GRAP2: variants seen among roughly 807,000 people sequenced by gnomAD.
GRAP2 encodes the protein GRB2 related adaptor protein 2, also known as GRB2-related adapter protein 2.
GRAP2 carries 31 observed loss-of-function variants against 43.5 expected under a neutral mutation model. The ratio of observed to expected loss-of-function variants is 0.71; its 90% CI spans 0.54 to 0.96. The LOEUF (loss-of-function observed/expected upper bound fraction) is 0.96, where lower values mean the gene tolerates loss of function less well. GRAP2 is among the 40% of genes least tolerant of loss of function. The pLI is 0.00. For synonymous variants in GRAP2, 156 were observed against 164.8 expected (o/e 0.95, Z 0.41); for missense variants, 371 against 424.4 (o/e 0.87, Z 1.11).
chr22:39,950,716 C>T (rs547473499), intron 2 of GRAP2, among the ~76,000 whole-genome samples: 1 of 152,350 alleles, frequency 6.6e-6, no homozygotes, highest in African/African-American at 2.4e-5. Context: ...CCAACCCCCT[C>T]CCTCTTTTCA....
At chr22:39,956,680 G>A (rs147307923) in intron 3 of GRAP2, among the ~76,000 whole-genome samples, 4,788 of 151,684 alleles carry the variant, frequency 0.032, 249 homozygotes, top group African/African-American at 0.11. Context: ...TGATGGACAG[G>A]CTGGTCTCAA....
intron 2 of GRAP2, among the ~76,000 whole-genome samples, chr22:39,951,564 A>G (rs1169356775): frequency 2.0e-5 from 3 of 152,224 alleles, no homozygotes; most frequent in South Asian, 2.1e-4. Context: ...TTCACAGGCC[A>G]TGTAACCCAA....
intron 1 of GRAP2, among the ~76,000 whole-genome samples, chr22:39,925,417 C>A (rs910421574): frequency 7.2e-5 from 11 of 152,294 alleles, no homozygotes; most frequent in Admixed American, 7.2e-4. Flanking sequence ...TGGAACCAGC[C>A]TCATTCCTTT....
intron 2 of GRAP2, among the ~76,000 whole-genome samples, chr22:39,954,015 C>G (rs2067018950): frequency 1.3e-5 from 2 of 152,222 alleles, no homozygotes; most frequent in Non-Finnish European, 2.9e-5. Flanking sequence ...ATTCCAGCCA[C>G]CTGGAGGCAT....
chr22:39,971,479 G>A lies in GRAP2; in HGVS notation c.*395G>A, dbSNP rs937178061. 1 of 178,566 alleles carries A rather than the reference G, an allele frequency of 5.6e-6. No homozygotes were observed. The highest frequency in any genetic ancestry group is 2.4e-5 in the African/African-American group (1 of 41,946). 11.1% of individuals were successfully genotyped at this position (178,566 alleles called of 1,614,324 possible). The stretch of plus-strand genomic sequence containing the variant: ...CACTGGACACAGAACAACAGGGTGG[G>A]GTTGAACTTGGTGGGGCACGTTCTA... On this transcript the variant is annotated 3_prime_UTR_variant, in exon 8 of 8. Coordinates refer to ENST00000344138, the MANE Select transcript of GRAP2 (RefSeq NM_004810.4).
Position 39,910,592 on chromosome 22 carries a change from A to G in GRAP2, c.-15+9262A>G, listed in dbSNP as rs139375207. On this transcript the variant is annotated intron_variant, in intron 1 of 7. Transcript: ENST00000344138. ...CCCGGCTAATTTTTGTATTTTTAGT[A>G]GAGACGGGGTTTCACCATGTTGGTC... Among the ~76,000 whole-genome samples the G allele has an allele frequency of 3.7e-3, 555 of 151,962 alleles. 2 individuals are homozygous for G. The highest frequency in any genetic ancestry group is 0.013 in the African/African-American group (540 of 41,424).
intron 1 of GRAP2, among the ~76,000 whole-genome samples, chr22:39,930,480 A>G (rs1391527426): frequency 6.6e-6 from 1 of 152,216 alleles, no homozygotes; most frequent in Non-Finnish European, 1.5e-5. Flanking sequence ...TAATGTGTAA[A>G]GTACTTACTA....
At chr22:39,902,574 T>C (rs1435216183) in intron 1 of GRAP2, among the ~76,000 whole-genome samples, 1 of 152,208 alleles carries the variant, frequency 6.6e-6, no homozygotes, top group East Asian at 1.9e-4. Flanking sequence ...CTTTTTTAGA[T>C]TGAACTTGGA....
At chr22:39,949,736 C>T (rs1330612395) in intron 2 of GRAP2, among the ~76,000 whole-genome samples, 1 of 152,110 alleles carries the variant, frequency 6.6e-6, no homozygotes. Flanking sequence ...GGAGAGGATT[C>T]GAGGTGATGA....
chr22:39,904,398 AAAAAGAAAAG>A (rs568359773), intron 1 of GRAP2, among the ~76,000 whole-genome samples: 2 of 152,256 alleles, frequency 1.3e-5, no homozygotes, highest in African/African-American at 2.4e-5. Context: ...AAAAAGAGGA[AAAAAGAAAAG>A]AAAAGAAAAG....
rs766788126 is a variant in GRAP2 at position 39,955,789 on chromosome 22, T to C, written c.79-30T>C. Reference sequence around the variant, plus strand: ...TGTTTTTTTGGTGTCCTCCCTCCAATGTCTTTGTCTTTCCTTTTCTTCCAT... The same window carrying C: ...TGTTTTTTTGGTGTCCTCCCTCCAACGTCTTTGTCTTTCCTTTTCTTCCAT... On this transcript the variant is annotated intron_variant, in intron 2 of 7. Coordinates refer to ENST00000344138, the MANE Select transcript of GRAP2 (RefSeq NM_004810.4). The C allele has an allele frequency of 9.6e-6, 11 of 1,148,796 alleles. No individual in the cohort carries two copies. In the South Asian group the frequency reaches 9.8e-5, roughly 10 times the overall value. 71.2% of individuals were successfully genotyped at this position (1,148,796 alleles called of 1,614,324 possible).
At chr22:39,917,505 A>G (rs2066612777) in intron 1 of GRAP2, among the ~76,000 whole-genome samples, 1 of 152,240 alleles carries the variant, frequency 6.6e-6, no homozygotes, top group South Asian at 2.1e-4. Flanking sequence ...GTGCACTTGT[A>G]GACTTAAATG....
intron 4 of GRAP2, among the ~76,000 whole-genome samples, chr22:39,961,285 G>T (rs1379813213): frequency 1.3e-5 from 2 of 151,886 alleles, no homozygotes; most frequent in Admixed American, 6.6e-5. Context: ...ACTCACTCAG[G>T]GGGAGAAAGA....
chr22:39,934,972 C>T (rs1376485664), intron 1 of GRAP2, among the ~76,000 whole-genome samples: 3 of 152,188 alleles, frequency 2.0e-5, no homozygotes, highest in African/African-American at 7.2e-5. Context: ...CTACTCAGCC[C>T]AGCTCAGACC....
intron 3 of GRAP2, among the ~76,000 whole-genome samples, chr22:39,959,165 G>A (rs2067089495): frequency 6.6e-6 from 1 of 152,216 alleles, no homozygotes; most frequent in South Asian, 2.1e-4. Flanking sequence ...CATTTTGCTT[G>A]TCTGTGGTGG....
chr22:39,908,074 G>A (rs1233391834), intron 1 of GRAP2, among the ~76,000 whole-genome samples: 1 of 152,168 alleles, frequency 6.6e-6, no homozygotes, highest in Non-Finnish European at 1.5e-5. Context: ...TAACTTCCCT[G>A]AGCTTCAGTT....
chr22:39,951,832 A>G (rs2066986261), intron 2 of GRAP2, among the ~76,000 whole-genome samples: 2 of 152,072 alleles, frequency 1.3e-5, no homozygotes, highest in Non-Finnish European at 1.5e-5. Flanking sequence ...CTCACCTTCT[A>G]TACATGGTAA....
Position 39,955,823 on chromosome 22 carries a change from TA to T in GRAP2, c.85del (p.Ser29ValfsTer23). On this transcript the variant is annotated frameshift_variant, in exon 3 of 8. Coordinates refer to ENST00000344138, the MANE Select transcript of GRAP2 (RefSeq NM_004810.4). LOFTEE classifies it high-confidence loss of function. ...SFHTGDVLKI[L>X]SNQEEWFKAE... ...CTTTCCTTTTCTTCCATGTAGATTT[TA>T]AGTAACCAAGAGGAGTGGTTTAAGG... 1 of 1,526,244 alleles carries T rather than the reference TA, an allele frequency of 6.6e-7. No individual in the cohort carries two copies. Among genetic ancestry groups the T allele is most frequent in the Non-Finnish European group, 9.1e-7 (1 of 1,099,834 alleles). 94.5% of individuals were successfully genotyped at this position (1,526,244 alleles called of 1,614,324 possible).
upstream of GRAP2, among the ~76,000 whole-genome samples, chr22:39,899,982 G>A (rs142354188): frequency 7.5e-3 from 1,127 of 150,204 alleles, 51 homozygotes; most frequent in Admixed American, 0.069. Flanking sequence ...GTGAAACTCC[G>A]TCTCAAAAAA....
Sources: allele counts gnomAD v4.1 joint callset (sites outside exome capture counted in the v4.1 genomes callset), GRCh38; gene constraint gnomAD v4.1.1; transcripts MANE v1.5; gene names NCBI Gene and HGNC (gene_info 2026-07-23, HGNC 2026-07-21).